The following XKR9 variants were observed in gnomAD, a reference collection of about 807,000 sequenced individuals.
XKR9 encodes XK related 9, also known as XK-related protein 9.
A neutral mutation model predicts 32.0 loss-of-function variants in XKR9; 32 were observed. The observed-to-expected ratio is 1.00, with a 90% confidence interval of 0.76 to 1.34. The LOEUF (loss-of-function observed/expected upper bound fraction) is 1.34, where lower values mean the gene tolerates loss of function less well. Ranked by LOEUF, XKR9 falls within the 40% of genes most tolerant of loss-of-function variation. The probability of loss-of-function intolerance (pLI) is 0.00; values close to 1 mark genes in which losing one functional copy is unlikely to be tolerated. For synonymous variants in XKR9, 168 were observed against 143.4 expected (o/e 1.17, Z -1.22); for missense variants, 546 against 429.7 (o/e 1.27, Z -2.39).
chr8:71,020,914 G>A, the XKR9 span, among the ~76,000 whole-genome samples: 1 of 152,104 alleles, frequency 6.6e-6, no homozygotes, highest in South Asian at 2.1e-4. Flanking sequence ...TGCTATAAAG[G>A]CATACCTGAG....
the XKR9 span, among the ~76,000 whole-genome samples, chr8:71,012,869 A>T: frequency 2.6e-5 from 4 of 152,288 alleles, no homozygotes; most frequent in South Asian, 8.3e-4. Flanking sequence ...AAGAAAATAA[A>T]CCTAAAGAAA....
At chr8:70,917,200 C>A in the XKR9 span, among the ~76,000 whole-genome samples, 1 of 152,160 alleles carries the variant, frequency 6.6e-6, no homozygotes, top group Non-Finnish European at 1.5e-5. Flanking sequence ...AGATCCTTGG[C>A]TGGTTCAGTT....
At chr8:71,048,194 C>G in the XKR9 span, among the ~76,000 whole-genome samples, 1 of 152,082 alleles carries the variant, frequency 6.6e-6, no homozygotes, top group Non-Finnish European at 1.5e-5. Flanking sequence ...TGTAAAAGGC[C>G]TGTTGCTGTT....
chr8:71,007,244 G>A, the XKR9 span, among the ~76,000 whole-genome samples: 7 of 152,128 alleles, frequency 4.6e-5, no homozygotes, highest in Non-Finnish European at 7.3e-5. Context: ...ATCCTGGGAG[G>A]GAATTCAGTT....
the XKR9 span, among the ~76,000 whole-genome samples, chr8:70,853,124 T>C: frequency 6.6e-6 from 1 of 152,140 alleles, no homozygotes; most frequent in South Asian, 2.1e-4. Flanking sequence ...TAGGTAATTA[T>C]GCTAAGTGAA....
At chr8:70,855,093 A>G in the XKR9 span, among the ~76,000 whole-genome samples, 6 of 152,126 alleles carry the variant, frequency 3.9e-5, no homozygotes, top group Non-Finnish European at 8.8e-5. Context: ...ATGGCATTGA[A>G]TCTATAAATT....
chr8:70,726,228 A>G (rs1480824684), intron 4 of XKR9, among the ~76,000 whole-genome samples: 4 of 152,258 alleles, frequency 2.6e-5, no homozygotes, highest in Admixed American at 6.5e-5. Context: ...CAATGCCCCA[A>G]AGAAATCAGC....
chr8:70,738,497 C>T (rs1232790580), downstream of XKR9, among the ~76,000 whole-genome samples: 2 of 149,092 alleles, frequency 1.3e-5, no homozygotes, highest in African/African-American at 2.5e-5. Flanking sequence ...TTAGTTATTT[C>T]TTGCCTTCTG....
the XKR9 span, among the ~76,000 whole-genome samples, chr8:70,882,768 A>G: frequency 6.6e-6 from 1 of 151,974 alleles, no homozygotes; most frequent in Non-Finnish European, 1.5e-5. Context: ...TTTATACTTT[A>G]TTATTAATAA....
the XKR9 span, among the ~76,000 whole-genome samples, chr8:70,955,149 C>T: frequency 1.3e-5 from 2 of 152,200 alleles, no homozygotes; most frequent in African/African-American, 4.8e-5. Flanking sequence ...AATTAGTTAA[C>T]CTCCTTGGGT....
At chr8:70,947,803 T>G in the XKR9 span, among the ~76,000 whole-genome samples, 1 of 152,236 alleles carries the variant, frequency 6.6e-6, no homozygotes, top group Non-Finnish European at 1.5e-5. Flanking sequence ...TTAAAATTTT[T>G]GTGTTAAAAT....
At chr8:70,670,308 T>C (rs1234952890) in intron 1 of XKR9, among the ~76,000 whole-genome samples, 1 of 152,140 alleles carries the variant, frequency 6.6e-6, no homozygotes, top group Non-Finnish European at 1.5e-5. Flanking sequence ...AAGGGACTCA[T>C]TTTCTCTGTA....
At chr8:70,724,821 G>T (rs1159546857) in intron 4 of XKR9, among the ~76,000 whole-genome samples, 1 of 152,130 alleles carries the variant, frequency 6.6e-6, no homozygotes, top group East Asian at 1.9e-4. Flanking sequence ...TTCATATTTG[G>T]CCATCTTAGT....
At chr8:70,809,641 A>C in the XKR9 span, among the ~76,000 whole-genome samples, 2 of 152,380 alleles carry the variant, frequency 1.3e-5, no homozygotes, top group African/African-American at 4.8e-5. Flanking sequence ...GAACTACATG[A>C]TGAATGCACA....
At chr8:70,739,486 A>G (rs989336639), downstream of XKR9, among the ~76,000 whole-genome samples, 3 of 152,256 alleles carry the variant, frequency 2.0e-5, no homozygotes, top group South Asian at 2.1e-4. Context: ...TAATATTGTT[A>G]TGTGCGAATT....
intron 2 of XKR9, among the ~76,000 whole-genome samples, chr8:70,758,123 T>C (rs1807255019): frequency 6.6e-6 from 1 of 152,156 alleles, no homozygotes; most frequent in South Asian, 2.1e-4. Context: ...ATTTGTTTAG[T>C]GATTGGCTGG....
At chr8:70,929,372 G>A in the XKR9 span, among the ~76,000 whole-genome samples, 1 of 152,152 alleles carries the variant, frequency 6.6e-6, no homozygotes. Context: ...TTCCAGTGTG[G>A]CATTGTATTA....
chr8:70,752,415 A>G (rs1055578700), intron 2 of XKR9, among the ~76,000 whole-genome samples: 2 of 152,172 alleles, frequency 1.3e-5, no homozygotes, highest in African/African-American at 4.8e-5. Flanking sequence ...GGGCCTCATG[A>G]TGCATCATAA....
the XKR9 span, among the ~76,000 whole-genome samples, chr8:70,950,071 G>A: frequency 1.3e-5 from 2 of 152,176 alleles, no homozygotes; most frequent in Non-Finnish European, 1.5e-5. Context: ...TTGGAAATGG[G>A]CAGAGACCAG....
Sources: allele counts gnomAD v4.1 joint callset (sites outside exome capture counted in the v4.1 genomes callset), GRCh38; gene constraint gnomAD v4.1.1; transcripts MANE v1.5; gene names NCBI Gene and HGNC (gene_info 2026-07-23, HGNC 2026-07-21).